LIPH: variants seen among roughly 807,000 people sequenced by gnomAD.
LIPH encodes the protein lipase member H.
A neutral mutation model predicts 47.6 loss-of-function variants in LIPH; 32 were observed. The observed-to-expected ratio is 0.67, with a 90% confidence interval of 0.51 to 0.90. The LOEUF (loss-of-function observed/expected upper bound fraction) is 0.90. LIPH is among the 40% of genes least tolerant of loss of function. The probability of loss-of-function intolerance (pLI) is 0.00; values close to 1 mark genes in which losing one functional copy is unlikely to be tolerated. For synonymous variants in LIPH, 190 were observed against 195.6 expected (o/e 0.97, Z 0.24); for missense variants, 497 against 541.4 (o/e 0.92, Z 0.81).
chr3:185,529,987 A>AGAGAGAGGGAGG lies in LIPH; in HGVS notation c.527-2403_527-2402insCCTCCCTCTCTC, dbSNP rs113097880. The stretch of plus-strand genomic sequence containing the variant: ...GAAGGAAAGAAAGAAAGAGAGAGAG[A>AGAGAGAGGGAGG]GAGAAAATAAGCAGTGCCTGGCGCG... On this transcript the variant is annotated intron_variant, in intron 3 of 9. Coordinates refer to ENST00000296252, the MANE Select transcript of LIPH (RefSeq NM_139248.3). Among the ~76,000 whole-genome samples the AGAGAGAGGGAGG allele has an allele frequency of 3.3e-5, 5 of 149,390 alleles. 1 individual carries two copies. Among genetic ancestry groups the AGAGAGAGGGAGG allele is most frequent in the African/African-American group, 1.2e-4 (5 of 40,144 alleles).
At chr3:185,529,906 A>AAAAGAAGAAAG (rs1720258370) in intron 3 of LIPH, among the ~76,000 whole-genome samples, 1 of 122,602 alleles carries the variant, frequency 8.2e-6, no homozygotes, top group African/African-American at 3.2e-5. Context: ...AGAGAGAAAG[A>AAAAGAAGAAAG]AAAGAAAGAA....
intron 8 of LIPH, among the ~76,000 whole-genome samples, chr3:185,512,346 T>A (rs1301846130): frequency 2.0e-5 from 3 of 152,190 alleles, no homozygotes; most frequent in Admixed American, 2.0e-4. Flanking sequence ...TGTATAGAGA[T>A]GTTTTCTATA....
At chr3:185,509,312 G>A (rs748825102) in intron 9 of LIPH, among the ~76,000 whole-genome samples, 2 of 150,652 alleles carry the variant, frequency 1.3e-5, no homozygotes, top group Non-Finnish European at 3.0e-5. Flanking sequence ...AAATGCTTAT[G>A]GTAAGTAAAA....
chr3:185,521,163 C>A (rs1034073622), intron 5 of LIPH, among the ~76,000 whole-genome samples: 2 of 152,104 alleles, frequency 1.3e-5, no homozygotes, highest in African/African-American at 4.8e-5. Context: ...CCACCATACC[C>A]GACTGAGTAC....
rs1449651719 is a variant in LIPH at position 185,534,857 on chromosome 3, T to G, written c.325A>C (p.Asn109His). The G allele has an allele frequency of 6.2e-7, 1 of 1,614,174 alleles. No individual in the cohort carries two copies. The highest frequency in any genetic ancestry group is 1.7e-5 in the Admixed American group (1 of 60,016). Residue 109 changes from asparagine to histidine, a missense_variant, in exon 2 of 10, where the codon AAT becomes CAT. By Grantham distance (68) the Asn-to-His change is moderately conservative. Transcript: ENST00000296252. ...EDMNVVVVDWNRGATTLIYTH... is the reference protein window; with the variant it reads ...EDMNVVVVDWHRGATTLIYTH... ...TATATTAAAGTTGTAGCTCCTCGAT[T>G]CCAATCAACAACAACTACGTTCATG...
intron 4 of LIPH, among the ~76,000 whole-genome samples, chr3:185,526,249 G>A (rs1052262215): frequency 6.6e-5 from 10 of 151,968 alleles, no homozygotes; most frequent in Admixed American, 4.6e-4. Context: ...GGCTGGGAAC[G>A]GTGGCTCACA....
intron 3 of LIPH, among the ~76,000 whole-genome samples, chr3:185,529,175 T>C (rs1245548493): frequency 5.8e-5 from 1 of 17,344 alleles, no homozygotes; most frequent in African/African-American, 1.8e-4. Flanking sequence ...AGACTCCGTC[T>C]CAAAAAAAAA....
In LIPH at chr3:185,535,032, G is replaced by T. The variant is rs1720460963; in HGVS notation, c.150C>A (p.Asn50Lys). Residue 50 changes from asparagine to lysine, a missense_variant, in exon 2 of 10, where the codon AAC becomes AAA. Transcript: ENST00000296252. ...AGTTGATGGTTTGTGCGCAGGTCAG[G>T]TTTTTCCTTGTGTAGAGCATCAGCC... ...NVRLMLYTRK[N>K]LTCAQTINSS... 2 of 1,613,546 alleles carry T rather than the reference G, an allele frequency of 1.2e-6. No homozygotes were observed. Among genetic ancestry groups the T allele is most frequent in the Non-Finnish European group, 1.7e-6 (2 of 1,179,786 alleles).
At chr3:185,511,025 A>G (rs939435518) in intron 9 of LIPH, among the ~76,000 whole-genome samples, 2 of 152,196 alleles carry the variant, frequency 1.3e-5, no homozygotes, top group African/African-American at 2.4e-5. Context: ...TTCTTGGATT[A>G]CTGGGCTACC....
intron 1 of LIPH, among the ~76,000 whole-genome samples, chr3:185,550,163 A>G (rs1721008005): frequency 6.6e-6 from 1 of 152,232 alleles, no homozygotes; most frequent in Non-Finnish European, 1.5e-5. Context: ...CAAGAAGTCC[A>G]TGTATTTGAG....
rs753445556 is a variant in LIPH at position 185,524,140 on chromosome 3, A to G, written c.649T>C (p.Leu217=). 3 of 1,612,602 alleles carry G rather than the reference A, an allele frequency of 1.9e-6. No individual in the cohort carries two copies. Among genetic ancestry groups the G allele is most frequent in the Non-Finnish European group, 2.5e-6 (3 of 1,178,598 alleles). ...DTDALGYKEP[L]GNIDFYPNGG... ...TTTGGGTAGAAGTCTATGTTTCCTAATGGCTCCTTGTAGCCCAGTGCTAAA... is the reference window on the plus strand; with the variant it reads ...TTTGGGTAGAAGTCTATGTTTCCTAGTGGCTCCTTGTAGCCCAGTGCTAAA... Residue 217 remains leucine, a synonymous_variant, in exon 5 of 10, where the codon TTA becomes CTA. Coordinates refer to ENST00000296252, the MANE Select transcript of LIPH (RefSeq NM_139248.3).
At chr3:185,512,480 A>G (rs1719597449) in intron 8 of LIPH, among the ~76,000 whole-genome samples, 1 of 140,732 alleles carries the variant, frequency 7.1e-6, no homozygotes, top group Non-Finnish European at 1.5e-5. Flanking sequence ...TGCTCTAGAC[A>G]TTAATCCTTT....
Position 185,529,008 on chromosome 3 carries a change from CAAA to C in LIPH, c.527-1426_527-1424del, listed in dbSNP as rs11457671. Among the ~76,000 whole-genome samples, 1,002 of 111,644 alleles carry C rather than the reference CAAA, an allele frequency of 9.0e-3. 14 individuals are homozygous for C. Among genetic ancestry groups the C allele is most frequent in the African/African-American group, 0.032 (959 of 30,066 alleles). 73.2% of individuals were successfully genotyped at this position (111,644 alleles called of 152,430 possible). On this transcript the variant is annotated intron_variant, in intron 3 of 9. Transcript: ENST00000296252. ...GAAACCCCGTATCTATTAAAAATAC[CAAA>C]AAAAAAAAAAAAAAAATTAGCTGGG...
rs1719404994 is a variant in LIPH, at chr3:185,507,216, A to T, written c.*1574T>A. 6.6e-6 allele frequency: 1 copy of T among 151,672 alleles called. No homozygotes were observed. The highest frequency in any genetic ancestry group is 1.5e-5 in the Non-Finnish European group (1 of 67,944). The allele number at this position is 151,672 out of a possible 1,614,324, so 9.4% of individuals were successfully genotyped here. A position where few individuals can be genotyped will look rare whatever the true frequency, so the allele number is the denominator to read the frequency against. On this transcript the variant is annotated 3_prime_UTR_variant, in exon 10 of 10. Transcript: ENST00000296252. ...GTGAAACCCTGTCTCTAATAAAAAT[A>T]CAAAAATTAGCCGGGTGTGGTGGCA...
At chr3:185,529,959 A>G (rs1050582283) in intron 3 of LIPH, among the ~76,000 whole-genome samples, 5 of 52,326 alleles carry the variant, frequency 9.6e-5, no homozygotes, top group Non-Finnish European at 1.9e-4. Context: ...AGAAAGAAAG[A>G]AAGAAGGAAA....
At chr3:185,545,572 A>G (rs375793556) in intron 1 of LIPH, among the ~76,000 whole-genome samples, 3 of 152,332 alleles carry the variant, frequency 2.0e-5, no homozygotes, top group East Asian at 3.9e-4. Context: ...AATGTTTGCC[A>G]ACCCTAGTCT....
chr3:185,540,336 G>C (rs866169709), intron 1 of LIPH, among the ~76,000 whole-genome samples: 2 of 152,010 alleles, frequency 1.3e-5, no homozygotes. Context: ...TTTTATCAGG[G>C]GTTCTTTTGT....
intron 5 of LIPH, among the ~76,000 whole-genome samples, chr3:185,519,880 C>T (rs1004996887): frequency 7.0e-6 from 1 of 142,464 alleles, no homozygotes; most frequent in African/African-American, 2.6e-5. Flanking sequence ...ACCTTGATTG[C>T]TCACGTAGCA....
At chr3:185,542,235 C>G (rs1720736580) in intron 1 of LIPH, among the ~76,000 whole-genome samples, 1 of 152,138 alleles carries the variant, frequency 6.6e-6, no homozygotes, top group Non-Finnish European at 1.5e-5. Context: ...TTTCAGCTCT[C>G]ATACTCTAAA....
Sources: allele counts gnomAD v4.1 joint callset (sites outside exome capture counted in the v4.1 genomes callset), GRCh38; gene constraint gnomAD v4.1.1; transcripts MANE v1.5; gene names NCBI Gene and HGNC (gene_info 2026-07-23, HGNC 2026-07-21).